Variants in TADA2A observed in about 807,000 individuals in gnomAD.
TADA2A encodes transcriptional adapter 2-alpha.
A neutral mutation model predicts 67.4 loss-of-function variants in TADA2A; 38 were observed. The ratio of observed to expected loss-of-function variants is 0.56; its 90% CI spans 0.44 to 0.74. The LOEUF (loss-of-function observed/expected upper bound fraction) is 0.74. Ranked by LOEUF, TADA2A falls within the 30% of genes least tolerant of loss-of-function variation. TADA2A has a pLI of 0.00. For missense variants in TADA2A, 454 were observed against 547.0 expected (o/e 0.83, Z 1.70); for synonymous variants, 192 against 181.6 (o/e 1.06, Z -0.46).
At chr17:37,465,593 AT>A in intron 11 of TADA2A, 52 bp downstream of exon 11, 1 of 1,608,338 alleles carries the variant, frequency 6.2e-7, no homozygotes, top group Non-Finnish European at 8.5e-7. Flanking sequence ...ATTTATATAA[AT>A]AGGAGAGATA....
At chr17:37,438,072 A>G in intron 5 of TADA2A, 1 of 421,938 alleles carries the variant, frequency 2.4e-6, no homozygotes, top group Non-Finnish European at 4.2e-6. Context: ...TGGATGTATC[A>G]ACAGTGGGAA....
At chr17:37,451,592 G>A (rs1186063811) in intron 8 of TADA2A, among the ~76,000 whole-genome samples, 1 of 152,104 alleles carries the variant, frequency 6.6e-6, no homozygotes. Context: ...AAAGTGCTGG[G>A]ATTACAGGTG....
At chr17:37,470,978 C>A in intron 13 of TADA2A, 116 bp from the exon 14 acceptor site, 1 of 953,564 alleles carries the variant, frequency 1.0e-6, no homozygotes, top group Non-Finnish European at 1.7e-6. Flanking sequence ...TTCAGTCTAT[C>A]TCATTACACT....
Position 37,440,598 on chromosome 17 carries a change from T to C in TADA2A, c.378T>C (p.Ser126=), listed in dbSNP as rs1807573685. 6.2e-7 allele frequency: 1 copy of C among 1,614,194 alleles called. No individual in the cohort carries two copies. The highest frequency in any genetic ancestry group is 1.7e-5 in the Admixed American group (1 of 60,016). Residue 126 remains serine, a synonymous_variant, in exon 6 of 16, where the codon TCT becomes TCC. Coordinates refer to ENST00000615182, the MANE Select transcript of TADA2A (RefSeq NM_001166105.3). ...KHFINNPLFA[S]TLLNLKQAEE... is the part of the protein sequence containing the mutation. ...TCATCAATAACCCTCTGTTTGCATC[T>C]ACCCTGCTGAACCTGAAACAAGCAG...
chr17:37,419,053 A>G (rs1422909780), intron 2 of TADA2A, among the ~76,000 whole-genome samples: 2 of 146,352 alleles, frequency 1.4e-5, no homozygotes, highest in Non-Finnish European at 3.0e-5. Flanking sequence ...GAATATATGT[A>G]CTATATTATA....
intron 13 of TADA2A, among the ~76,000 whole-genome samples, chr17:37,470,767 T>TC (rs549028188): frequency 1.6e-4 from 24 of 152,194 alleles, no homozygotes; most frequent in Middle Eastern, 3.4e-3. Flanking sequence ...GAGTGTATTT[T>TC]CCCCCAGCCT....
At chr17:37,433,047 G>A (rs1202748148) in intron 4 of TADA2A, among the ~76,000 whole-genome samples, 1 of 148,036 alleles carries the variant, frequency 6.8e-6, no homozygotes, top group African/African-American at 2.5e-5. Flanking sequence ...TTCTGTATGG[G>A]TTTTCCTTCC....
At position 37,476,895 on chromosome 17, in the gene TADA2A, G is replaced by A; in HGVS notation, c.1245G>A (p.Gln415=). Residue 415 remains glutamine, a synonymous_variant, in exon 16 of 16, where the codon CAG becomes CAA. Transcript: ENST00000615182. ...AGCAAGGAGGCTTAAGACTGGCGCA[G>A]GCAAGAGCACTCATCAAGATAGATG... The part of the protein sequence containing the change: ...CNKQGGLRLA[Q]ARALIKIDVN... 3 of 1,614,190 alleles carry A rather than the reference G, an allele frequency of 1.9e-6. No homozygotes were observed. Among genetic ancestry groups the A allele is most frequent in the East Asian group, 2.2e-5 (1 of 44,888 alleles).
intron 8 of TADA2A, among the ~76,000 whole-genome samples, chr17:37,453,657 C>T (rs889941812): frequency 6.6e-6 from 1 of 150,920 alleles, no homozygotes; most frequent in Non-Finnish European, 1.5e-5. Flanking sequence ...ATCTCACATT[C>T]TTTGGATGAG....
Position 37,478,417 on chromosome 17 carries a change from G to A in TADA2A, c.*1435G>A, listed in dbSNP as rs1379833675. 2 of 152,146 alleles carry A rather than the reference G, an allele frequency of 1.3e-5. No individual in the cohort carries two copies. Among genetic ancestry groups the A allele is most frequent in the Non-Finnish European group, 2.9e-5 (2 of 68,022 alleles). 9.4% of individuals were successfully genotyped at this position (152,146 alleles called of 1,614,324 possible). On this transcript the variant is annotated 3_prime_UTR_variant, in exon 16 of 16. Coordinates refer to ENST00000615182, the MANE Select transcript of TADA2A (RefSeq NM_001166105.3). ...CCCAGGATACCAAGCCCCTGAGGAT[G>A]GAGATGATGCAACAAACCTCAGCTT...
intron 4 of TADA2A, among the ~76,000 whole-genome samples, chr17:37,429,193 A>G (rs1445050506): frequency 1.3e-5 from 2 of 151,862 alleles, no homozygotes; most frequent in East Asian, 1.9e-4. Context: ...TCAACCCTCA[A>G]CCTCCTAAAG....
chr17:37,456,509 G>A (rs2053395752), intron 8 of TADA2A, among the ~76,000 whole-genome samples: 1 of 152,150 alleles, frequency 6.6e-6, no homozygotes, highest in South Asian at 2.1e-4. Context: ...TTTGAGAGAT[G>A]TAAGCGTTAA....
At chr17:37,459,247 CTT>C (rs34871036) in intron 9 of TADA2A, among the ~76,000 whole-genome samples, 5 of 146,198 alleles carry the variant, frequency 3.4e-5, no homozygotes, top group Non-Finnish European at 4.5e-5. Context: ...TATTGTTACA[CTT>C]TTTTTTTTTT....
At chr17:37,426,837 C>T (rs1333757278) in intron 3 of TADA2A, 113 bp from the exon 4 acceptor site, 2 of 929,464 alleles carry the variant, frequency 2.2e-6, no homozygotes, top group Non-Finnish European at 3.2e-6. Context: ...AGAACGAGAC[C>T]CTGTCTCCAA....
intron 2 of TADA2A, among the ~76,000 whole-genome samples, chr17:37,413,831 T>G (rs1045958414): frequency 6.6e-6 from 1 of 152,118 alleles, no homozygotes; most frequent in South Asian, 2.1e-4. Flanking sequence ...CAGGGGTACA[T>G]GTGCAGGGTT....
intron 4 of TADA2A, among the ~76,000 whole-genome samples, chr17:37,428,656 A>G (rs1036277078): frequency 2.0e-5 from 3 of 152,186 alleles, no homozygotes; most frequent in African/African-American, 7.2e-5. Context: ...ATCACAGCTC[A>G]CTGTAACCTC....
intron 1 of TADA2A, chr17:37,407,186 C>T (rs2051591496): frequency 1.3e-5 from 2 of 151,662 alleles, no homozygotes; most frequent in African/African-American, 4.8e-5. Context: ...GGGGGCCCGC[C>T]CCGCGTCTGG....
At chr17:37,437,358 T>C (rs2052761297) in intron 4 of TADA2A, among the ~76,000 whole-genome samples, 1 of 151,856 alleles carries the variant, frequency 6.6e-6, no homozygotes, top group South Asian at 2.1e-4. Context: ...CCCAAAGTGC[T>C]GGGATTACAG....
chr17:37,453,759 ATTTTTTTTTTTT>A (rs143096066), intron 8 of TADA2A, among the ~76,000 whole-genome samples: 1 of 69,066 alleles, frequency 1.4e-5, no homozygotes, highest in African/African-American at 7.0e-5. Context: ...GAAATAACTG[ATTTTTTTTTTTT>A]TTTTTTTTTT....
Sources: gnomAD v4.1 joint callset for allele counts (sites outside exome capture counted in the v4.1 genomes callset) on GRCh38, gnomAD v4.1.1 for gene constraint, MANE v1.5 for transcripts, NCBI Gene and HGNC (gene_info 2026-07-23, HGNC 2026-07-21) for gene names.